Variants in TOM1L2 observed in about 807,000 individuals in gnomAD.
TOM1L2 encodes the protein target of myb1 like 2 membrane trafficking protein.
In TOM1L2, 31 loss-of-function variants were observed where a neutral mutation model predicts 67.9. The observed-to-expected ratio is 0.46, with a 90% confidence interval of 0.34 to 0.62. The LOEUF is 0.62. Ranked by LOEUF, TOM1L2 falls within the 20% of genes least tolerant of loss-of-function variation. The probability of loss-of-function intolerance (pLI) is 0.01; values close to 1 mark genes in which losing one functional copy is unlikely to be tolerated. For synonymous variants in TOM1L2, 256 were observed against 254.0 expected, an observed-to-expected ratio of 1.01 and a Z score of -0.07; for missense variants, 606 against 663.5, an observed-to-expected ratio of 0.91 and a Z score of 0.95.
At position 17,845,235 on chromosome 17, in the gene TOM1L2, C is replaced by A. The variant is rs2035581102; in HGVS notation, c.*2400G>T. The stretch of plus-strand genomic sequence containing the variant: ...GAGGGGTGGCTCCAGGCTAGGAAGG[C>A]AGGTGACACTTGTCAGCATGGCCAA... On this transcript the variant is annotated 3_prime_UTR_variant, in exon 15 of 15. Coordinates refer to ENST00000379504, the MANE Select transcript of TOM1L2 (RefSeq NM_001082968.2). The A allele has an allele frequency of 6.6e-6, 1 of 152,236 alleles. No individual in the cohort carries two copies. Among genetic ancestry groups the A allele is most frequent in the Non-Finnish European group, 1.5e-5 (1 of 68,034 alleles). The allele number at this position is 152,236 out of a possible 1,614,324, so 9.4% of individuals were successfully genotyped here. A position where few individuals can be genotyped will look rare whatever the true frequency, so the allele number is the denominator to read the frequency against.
rs1225018337 is a variant in TOM1L2, at chr17:17,845,944, A to G, written c.*1691T>C. The stretch of plus-strand genomic sequence containing the variant: ...TGAACCTGAGCAACTGGAGTGAGAC[A>G]TCCCAGCTAGTCCCACCCTCAGCCA... On this transcript the variant is annotated 3_prime_UTR_variant, in exon 15 of 15. Transcript: ENST00000379504. The G allele has an allele frequency of 1.3e-5, 2 of 152,372 alleles. No homozygotes were observed. Among genetic ancestry groups the G allele is most frequent in the African/African-American group, 4.8e-5 (2 of 41,464 alleles). 9.4% of individuals were successfully genotyped at this position (152,372 alleles called of 1,614,324 possible). A position where few individuals can be genotyped will look rare whatever the true frequency, so the allele number is the denominator to read the frequency against.
chr17:17,908,922 T>C (rs553020848), intron 1 of TOM1L2, among the ~76,000 whole-genome samples: 24 of 152,074 alleles, frequency 1.6e-4, no homozygotes, highest in Non-Finnish European at 2.4e-4. Context: ...GTGGCTCACG[T>C]CTGTAATCCC....
At chr17:17,924,173 A>G (rs116687148) in intron 1 of TOM1L2, among the ~76,000 whole-genome samples, 3,772 of 152,224 alleles carry the variant, frequency 0.025, 130 homozygotes, top group African/African-American at 0.08. Flanking sequence ...ATGACTACAT[A>G]TTGTATGATT....
At position 17,879,620 on chromosome 17, in the gene TOM1L2, G is replaced by A. The variant is rs2037608224; in HGVS notation, c.777+7C>T. ...CACAGGCCAAGTGCTTCTGAAAGATGACTCACCTGCAGCAACTCCAGATCA... is the reference window on the plus strand; with the variant it reads ...CACAGGCCAAGTGCTTCTGAAAGATAACTCACCTGCAGCAACTCCAGATCA... On this transcript the variant is annotated splice_region_variant and intron_variant, in intron 7 of 14. Coordinates refer to ENST00000379504, the MANE Select transcript of TOM1L2 (RefSeq NM_001082968.2). 2 of 1,608,670 alleles carry A rather than the reference G, an allele frequency of 1.2e-6. No homozygotes were observed. Among genetic ancestry groups the A allele is most frequent in the African/African-American group, 1.3e-5 (1 of 74,916 alleles).
intron 1 of TOM1L2, among the ~76,000 whole-genome samples, chr17:17,966,339 C>G (rs765560944): frequency 4.6e-5 from 7 of 152,092 alleles, no homozygotes; most frequent in Non-Finnish European, 4.4e-5. Flanking sequence ...AATAAATGAA[C>G]AAATTCTAAA....
chr17:17,869,181 T>G, intron 8 of TOM1L2, 159 bp downstream of exon 8: 1 of 1,403,422 alleles, frequency 7.1e-7, no homozygotes, highest in Non-Finnish European at 9.5e-7. Flanking sequence ...AGAAGCATTT[T>G]TCCTGTCAGC....
intron 1 of TOM1L2, among the ~76,000 whole-genome samples, chr17:17,913,371 T>C (rs1244483134): frequency 6.6e-6 from 1 of 151,824 alleles, no homozygotes; most frequent in Non-Finnish European, 1.5e-5. Flanking sequence ...CAGCCTAGGC[T>C]GGGCTGTGAG....
At chr17:17,883,098 G>A (rs1446066746) in intron 5 of TOM1L2, among the ~76,000 whole-genome samples, 4 of 152,182 alleles carry the variant, frequency 2.6e-5, no homozygotes, top group Admixed American at 1.3e-4. Context: ...ATGTGTGGCA[G>A]ACCAATGAAA....
At chr17:17,851,311 C>T (rs372864966) in intron 12 of TOM1L2, 4 of 344,752 alleles carry the variant, frequency 1.2e-5, no homozygotes, top group East Asian at 7.7e-5. Flanking sequence ...TTCAGGAAGG[C>T]GCTGCCACGC....
chr17:17,971,696 G>C (rs977251019), intron 1 of TOM1L2, among the ~76,000 whole-genome samples: 2 of 152,250 alleles, frequency 1.3e-5, no homozygotes, highest in African/African-American at 4.8e-5. Flanking sequence ...AAAGACACAT[G>C]CAGTGGCATC....
At chr17:17,959,525 T>C (rs2041602101) in intron 1 of TOM1L2, among the ~76,000 whole-genome samples, 1 of 152,188 alleles carries the variant, frequency 6.6e-6, no homozygotes, top group Non-Finnish European at 1.5e-5. Flanking sequence ...TTTAAGAATT[T>C]CCACAGTTAG....
chr17:17,907,010 C>T (rs2039129354), intron 2 of TOM1L2, among the ~76,000 whole-genome samples: 1 of 152,244 alleles, frequency 6.6e-6, no homozygotes, highest in South Asian at 2.1e-4. Context: ...CCACTCCCGG[C>T]CGTGTCTGCC....
intron 4 of TOM1L2, among the ~76,000 whole-genome samples, chr17:17,893,070 T>A (rs1410232450): frequency 6.6e-6 from 1 of 152,248 alleles, no homozygotes; most frequent in Admixed American, 6.5e-5. Context: ...TTTGAAGGTA[T>A]GTTTTGAGGT....
intron 7 of TOM1L2, among the ~76,000 whole-genome samples, chr17:17,873,348 T>C (rs1373871237): frequency 6.6e-6 from 1 of 152,118 alleles, no homozygotes; most frequent in Non-Finnish European, 1.5e-5. Flanking sequence ...ACATACAATG[T>C]TTTCTGGGGA....
intron 1 of TOM1L2, among the ~76,000 whole-genome samples, chr17:17,912,885 G>C (rs953595844): frequency 1.3e-5 from 2 of 152,192 alleles, no homozygotes; most frequent in African/African-American, 2.4e-5. Flanking sequence ...CTGCACTCCA[G>C]CCGGGGCACC....
chr17:17,920,053 C>A (rs562861764), intron 1 of TOM1L2, among the ~76,000 whole-genome samples: 2 of 152,088 alleles, frequency 1.3e-5, no homozygotes, highest in Non-Finnish European at 2.9e-5. Context: ...AAGACCCTGG[C>A]CTCCACAATA....
At chr17:17,868,632 G>A (rs2036980855) in intron 8 of TOM1L2, among the ~76,000 whole-genome samples, 1 of 152,228 alleles carries the variant, frequency 6.6e-6, no homozygotes, top group Non-Finnish European at 1.5e-5. Context: ...ATCAGGTGAT[G>A]AGATGGGAAC....
At chr17:17,892,026 G>A (rs974876946) in intron 4 of TOM1L2, among the ~76,000 whole-genome samples, 4 of 152,138 alleles carry the variant, frequency 2.6e-5, no homozygotes, top group African/African-American at 7.2e-5. Context: ...CTTAGGGAAC[G>A]AAGAATGAGG....
intron 1 of TOM1L2, among the ~76,000 whole-genome samples, chr17:17,953,910 G>T (rs1200340275): frequency 2.0e-5 from 3 of 152,226 alleles, no homozygotes; most frequent in African/African-American, 7.2e-5. Context: ...GTCACACAAG[G>T]ATGCCTTCCC....
Sources: gnomAD v4.1 joint callset for allele counts (sites outside exome capture counted in the v4.1 genomes callset) on GRCh38, gnomAD v4.1.1 for gene constraint, MANE v1.5 for transcripts, NCBI Gene and HGNC (gene_info 2026-07-23, HGNC 2026-07-21) for gene names.